The following FOCAD variants were observed in gnomAD, a reference collection of about 807,000 sequenced individuals.
FOCAD encodes the protein KIAA1797.
FOCAD carries 198 observed loss-of-function variants against 225.6 expected under a neutral mutation model. That is an observed-to-expected ratio of 0.88 (90% CI 0.78 to 0.99). FOCAD has a LOEUF of 0.99. FOCAD is among the 50% of genes least tolerant of loss of function. FOCAD has a pLI of 0.00. For synonymous variants in FOCAD, 897 were observed against 755.0 expected (o/e 1.19, Z -3.08); for missense variants, 2,713 against 2,123.6 (o/e 1.28, Z -5.46).
intron 6 of FOCAD, among the ~76,000 whole-genome samples, chr9:20,761,079 C>G (rs894051064): frequency 6.6e-6 from 1 of 152,008 alleles, no homozygotes; most frequent in Non-Finnish European, 1.5e-5. Flanking sequence ...CTGTGTTGCC[C>G]AGGCTGAACA....
intron 4 of FOCAD, among the ~76,000 whole-genome samples, chr9:20,729,843 G>C (rs1390544730): frequency 6.6e-6 from 1 of 152,106 alleles, no homozygotes; most frequent in Non-Finnish European, 1.5e-5. Flanking sequence ...ATAGAAGGAG[G>C]AGAGATTGAG....
chr9:20,801,384 G>C (rs1821815538), intron 11 of FOCAD, among the ~76,000 whole-genome samples: 1 of 152,126 alleles, frequency 6.6e-6, no homozygotes, highest in African/African-American at 2.4e-5. Flanking sequence ...AATTATGTGT[G>C]TAATTAGGGC....
chr9:20,826,770 A>T (rs1399734816), intron 15 of FOCAD, among the ~76,000 whole-genome samples: 1 of 152,086 alleles, frequency 6.6e-6, no homozygotes, highest in Non-Finnish European at 1.5e-5. Context: ...CCCAAGTCTC[A>T]TGCTCTTTGG....
intron 1 of FOCAD, among the ~76,000 whole-genome samples, chr9:20,698,501 A>T (rs1823571047): frequency 6.6e-6 from 1 of 152,028 alleles, no homozygotes; most frequent in African/African-American, 2.4e-5. Flanking sequence ...CCTGGGCTCA[A>T]ACAGTCCTCC....
At chr9:20,701,420 C>T (rs1823933355) in intron 1 of FOCAD, among the ~76,000 whole-genome samples, 1 of 152,100 alleles carries the variant, frequency 6.6e-6, no homozygotes, top group South Asian at 2.1e-4. Context: ...AGTGGCATTG[C>T]CATCTGTGTG....
Position 20,875,433 on chromosome 9 carries a change from G to A in FOCAD, c.2317+626G>A, listed in dbSNP as rs184614452. 429 of 152,172 alleles carry A rather than the reference G, an allele frequency of 2.8e-3. 1 individual carries two copies. The highest frequency in any genetic ancestry group is 3.9e-3 in the Non-Finnish European group (268 of 68,072). The allele number at this position is 152,172 out of a possible 1,614,324, so 9.4% of individuals were successfully genotyped here. A position where few individuals can be genotyped will look rare whatever the true frequency, so the allele number is the denominator to read the frequency against. The stretch of plus-strand genomic sequence containing the variant: ...AGAGGCAGATTGCTTGAGGTCAGGA[G>A]TTAAATACAAAATTAGCCTGGTGTG... On this transcript the variant is annotated intron_variant, in intron 19 of 43. Coordinates refer to ENST00000338382, the MANE Select transcript of FOCAD (RefSeq NM_001375567.1).
intron 2 of FOCAD, among the ~76,000 whole-genome samples, chr9:20,678,440 A>G (rs10964654): frequency 0.23 from 35,636 of 152,178 alleles, 5,035 homozygotes; most frequent in Non-Finnish European, 0.3. Flanking sequence ...CTAAATATGA[A>G]TTGCCTAGGA....
chr9:20,669,871 G>A (rs986825387), intron 2 of FOCAD, among the ~76,000 whole-genome samples: 2 of 152,176 alleles, frequency 1.3e-5, no homozygotes, highest in African/African-American at 4.8e-5. Flanking sequence ...GCAAGCACAG[G>A]AACTTTCTTA....
chr9:20,829,116 T>G (rs1825224678), intron 15 of FOCAD, among the ~76,000 whole-genome samples: 1 of 152,164 alleles, frequency 6.6e-6, no homozygotes, highest in African/African-American at 2.4e-5. Flanking sequence ...CATGTGTCTT[T>G]GTAATAGAAT....
chr9:20,698,189 A>C (rs904869598), intron 1 of FOCAD, among the ~76,000 whole-genome samples: 2 of 152,228 alleles, frequency 1.3e-5, no homozygotes, highest in African/African-American at 4.8e-5. Flanking sequence ...TAAGTAATGT[A>C]TGCCCCATTG....
chr9:20,839,898 A>G (rs1192326331), intron 15 of FOCAD, among the ~76,000 whole-genome samples: 1 of 152,120 alleles, frequency 6.6e-6, no homozygotes, highest in Admixed American at 6.6e-5. Context: ...CTTTCTCAGC[A>G]CTATTTATTG....
At chr9:20,753,350 T>A (rs1391554424) in intron 5 of FOCAD, among the ~76,000 whole-genome samples, 1 of 151,918 alleles carries the variant, frequency 6.6e-6, no homozygotes, top group Admixed American at 6.6e-5. Context: ...ACCTAATTTA[T>A]TGAGAGTTTT....
intron 1 of FOCAD, among the ~76,000 whole-genome samples, chr9:20,713,767 C>T (rs1825069167): frequency 6.6e-6 from 1 of 152,142 alleles, no homozygotes; most frequent in African/African-American, 2.4e-5. Flanking sequence ...TTCTTTCACC[C>T]ATGGAGATAT....
chr9:20,956,028 G>A (rs1232771917), intron 35 of FOCAD, among the ~76,000 whole-genome samples: 1 of 152,150 alleles, frequency 6.6e-6, no homozygotes, highest in Non-Finnish European at 1.5e-5. Flanking sequence ...TATTAACTAA[G>A]CAAAGTATAT....
At chr9:20,808,184 C>T (rs1822668577) in intron 11 of FOCAD, among the ~76,000 whole-genome samples, 1 of 152,146 alleles carries the variant, frequency 6.6e-6, no homozygotes, top group South Asian at 2.1e-4. Flanking sequence ...CATGGTGATA[C>T]TAAGAGCGCG....
chr9:20,798,441 C>A (rs986999950), intron 11 of FOCAD, among the ~76,000 whole-genome samples: 13 of 152,084 alleles, frequency 8.5e-5, no homozygotes, highest in African/African-American at 3.1e-4. Flanking sequence ...CCTCCTTGTA[C>A]CTCTGGTAGA....
In FOCAD at chr9:20,933,023, T is replaced by G; in HGVS notation, c.3327T>G (p.Ser1109=). 1 of 1,613,332 alleles carries G rather than the reference T, an allele frequency of 6.2e-7. No homozygotes were observed. Among genetic ancestry groups the G allele is most frequent in the Middle Eastern group, 1.7e-4 (1 of 6,060 alleles). ...CTTGATCTTTAACCAGTGATATATC[T>G]GGCCAAGAGATGAACCTTCTTCTGA... The part of the protein sequence containing the change: ...RLCEEKLSDI[S]GQEMNLLLMK... Residue 1109 remains serine (S), a synonymous_variant, in exon 28 of 44, where the codon TCT becomes TCG. Transcript: ENST00000338382.
intron 15 of FOCAD, among the ~76,000 whole-genome samples, chr9:20,855,680 A>C (rs1284654279): frequency 5.9e-5 from 9 of 151,604 alleles, no homozygotes; most frequent in Non-Finnish European, 1.2e-4. Flanking sequence ...TATTCTATCA[A>C]ATGCTAGCCC....
intron 10 of FOCAD, among the ~76,000 whole-genome samples, chr9:20,785,742 A>AT (rs1819854513): frequency 6.6e-6 from 1 of 152,138 alleles, no homozygotes; most frequent in South Asian, 2.1e-4. Flanking sequence ...GTGTGGACAA[A>AT]TGTTTTCATT....
Sources: gnomAD v4.1 joint callset for allele counts (sites outside exome capture counted in the v4.1 genomes callset) on GRCh38, gnomAD v4.1.1 for gene constraint, MANE v1.5 for transcripts, NCBI Gene and HGNC (gene_info 2026-07-23, HGNC 2026-07-21) for gene names.